FOXN3: variants seen among roughly 807,000 people sequenced by gnomAD.
The protein encoded by FOXN3 is forkhead box protein N3.
FOXN3 carries 7 observed loss-of-function variants against 38.4 expected under a neutral mutation model. The ratio of observed to expected loss-of-function variants is 0.18; its 90% CI spans 0.10 to 0.34. The LOEUF is 0.34. Ranked by LOEUF, FOXN3 falls within the 10% of genes least tolerant of loss-of-function variation. The probability of loss-of-function intolerance (pLI) is 1.00; values close to 1 mark genes in which losing one functional copy is unlikely to be tolerated. For synonymous variants in FOXN3, 230 were observed against 242.2 expected, an observed-to-expected ratio of 0.95 and a Z score of 0.47; for missense variants, 456 against 613.4, an observed-to-expected ratio of 0.74 and a Z score of 2.71.
At chr14:89,525,077 G>A (rs1468135242) in intron 1 of FOXN3, among the ~76,000 whole-genome samples, 2 of 152,068 alleles carry the variant, frequency 1.3e-5, no homozygotes, top group Admixed American at 6.6e-5. Flanking sequence ...GGGCTGGGGA[G>A]GGGAATATGT....
At chr14:89,232,470 C>A (rs1358064692) in intron 4 of FOXN3, among the ~76,000 whole-genome samples, 1 of 152,128 alleles carries the variant, frequency 6.6e-6, no homozygotes, top group East Asian at 1.9e-4. Flanking sequence ...AAAACAGGAC[C>A]CTTAATTATA....
At chr14:89,456,551 C>T (rs1334434315) in intron 1 of FOXN3, among the ~76,000 whole-genome samples, 1 of 152,154 alleles carries the variant, frequency 6.6e-6, no homozygotes, top group Non-Finnish European at 1.5e-5. Context: ...ACCAAGAGTT[C>T]AAGACCAGCC....
At chr14:89,321,963 G>GC (rs1291214924) in intron 3 of FOXN3, among the ~76,000 whole-genome samples, 2 of 152,124 alleles carry the variant, frequency 1.3e-5, no homozygotes, top group African/African-American at 4.8e-5. Flanking sequence ...CTGAACAAAA[G>GC]CAAGAATCTT....
At chr14:89,239,775 T>A (rs1286403379) in intron 4 of FOXN3, among the ~76,000 whole-genome samples, 1 of 152,228 alleles carries the variant, frequency 6.6e-6, no homozygotes, top group East Asian at 1.9e-4. Context: ...TGAAAACCAA[T>A]CATGTGCTAG....
At chr14:89,495,697 T>C (rs1233342311) in intron 1 of FOXN3, among the ~76,000 whole-genome samples, 1 of 152,196 alleles carries the variant, frequency 6.6e-6, no homozygotes, top group African/African-American at 2.4e-5. Context: ...ATCTCTGCCA[T>C]TATCAATGCC....
intron 1 of FOXN3, among the ~76,000 whole-genome samples, chr14:89,434,444 G>A (rs564811946): frequency 6.6e-6 from 1 of 152,110 alleles, no homozygotes; most frequent in East Asian, 1.9e-4. Context: ...TGGTCAAGCT[G>A]GTCTTGAACT....
intron 1 of FOXN3, among the ~76,000 whole-genome samples, chr14:89,428,513 C>T (rs1045133129): frequency 2.6e-5 from 4 of 152,240 alleles, no homozygotes; most frequent in Admixed American, 6.5e-5. Flanking sequence ...CAGCACCTCA[C>T]TTCTCTGCAC....
chr14:89,252,123 A>G (rs1029637526), intron 4 of FOXN3, among the ~76,000 whole-genome samples: 1 of 152,210 alleles, frequency 6.6e-6, no homozygotes, highest in African/African-American at 2.4e-5. Flanking sequence ...CAAAGTAGTG[A>G]TTCTTATGCC....
At chr14:89,579,344 C>T (rs780384463) in intron 1 of FOXN3, among the ~76,000 whole-genome samples, 121 of 151,078 alleles carry the variant, frequency 8.0e-4, no homozygotes, top group Non-Finnish European at 1.4e-3. Flanking sequence ...TTTGTAGAGA[C>T]GGGGTCTCAC....
At chr14:89,353,230 C>T (rs1055081769) in intron 2 of FOXN3, among the ~76,000 whole-genome samples, 1 of 152,114 alleles carries the variant, frequency 6.6e-6, no homozygotes, top group Non-Finnish European at 1.5e-5. Context: ...AGCTGGGAGG[C>T]TCAGAGATGG....
Position 89,247,955 on chromosome 14 carries a change from C to T in FOXN3, c.745+32995G>A, listed in dbSNP as rs575576972. Among the ~76,000 whole-genome samples the T allele has an allele frequency of 4.6e-5, 7 of 152,322 alleles. No homozygotes were observed. In the South Asian group the frequency reaches 1.5e-3, roughly 32 times the overall value. On this transcript the variant is annotated intron_variant, in intron 4 of 5. Transcript: ENST00000557258. ...TTTGTTCCTACCATCTTTGCACCTG[C>T]CCTCTGCCTAGAAAGCTCTTCTCCT...
At chr14:89,378,126 G>T (rs1043894423) in intron 2 of FOXN3, among the ~76,000 whole-genome samples, 2 of 152,140 alleles carry the variant, frequency 1.3e-5, no homozygotes, top group East Asian at 3.8e-4. Context: ...ATCATGATAG[G>T]GAAGATTTCC....
chr14:89,191,567 C>T lies in FOXN3; in HGVS notation c.746-10761G>A, dbSNP rs147943474. Reference sequence around the variant, plus strand: ...ACATACCAAAAAATTCAATTTGCTACTAATGGCTCCATGGCACCTTATTTT... The same window carrying T: ...ACATACCAAAAAATTCAATTTGCTATTAATGGCTCCATGGCACCTTATTTT... On this transcript the variant is annotated intron_variant, in intron 4 of 5. Coordinates refer to ENST00000557258, the MANE Select transcript of FOXN3 (RefSeq NM_005197.4). Among the ~76,000 whole-genome samples, 86 of 152,222 alleles carry T rather than the reference C, an allele frequency of 5.6e-4. 1 individual carries two copies. Among genetic ancestry groups the T allele is most frequent in the African/African-American group, 2.0e-3 (81 of 41,504 alleles).
intron 3 of FOXN3, among the ~76,000 whole-genome samples, chr14:89,289,241 C>A (rs1325779676): frequency 1.4e-5 from 2 of 147,822 alleles, no homozygotes; most frequent in African/African-American, 5.0e-5. Flanking sequence ...ATTAGCAAGA[C>A]TACAAAATCA....
chr14:89,516,718 C>T (rs1346289059), intron 1 of FOXN3, among the ~76,000 whole-genome samples: 2 of 152,024 alleles, frequency 1.3e-5, no homozygotes, highest in Non-Finnish European at 2.9e-5. Flanking sequence ...TGCACCACCA[C>T]GCCTGGCTAA....
chr14:89,388,095 A>T (rs1166262037), intron 2 of FOXN3, among the ~76,000 whole-genome samples: 6 of 152,144 alleles, frequency 3.9e-5, no homozygotes, highest in Non-Finnish European at 2.9e-5. Flanking sequence ...GAGGCAGGAG[A>T]ATCGCTTGAA....
chr14:89,292,450 T>G (rs192280782), intron 3 of FOXN3, among the ~76,000 whole-genome samples: 5 of 152,328 alleles, frequency 3.3e-5, no homozygotes, highest in Middle Eastern at 3.4e-3. Context: ...ATGGTTTGCA[T>G]GTGTCCCTCC....
intron 1 of FOXN3, among the ~76,000 whole-genome samples, chr14:89,425,520 A>C (rs1596267877): frequency 7.8e-6 from 1 of 128,058 alleles, no homozygotes; most frequent in Non-Finnish European, 1.7e-5. Context: ...GGCTTGTGCC[A>C]CCATGCCCGG....
rs1398486305 is a variant in FOXN3 at position 89,202,381 on chromosome 14, A to C, written c.746-21575T>G. Among the ~76,000 whole-genome samples, 3 of 152,218 alleles carry C rather than the reference A, an allele frequency of 2.0e-5. No homozygotes were observed. In the East Asian group the frequency reaches 5.8e-4, roughly 29 times the overall value. On this transcript the variant is annotated intron_variant, in intron 4 of 5. Transcript: ENST00000557258. The stretch of plus-strand genomic sequence containing the variant: ...CATATTGAATCACACACCCGGTCCC[A>C]CTATGCCATAAACCACTGTTCTGCT...
Sources: allele counts gnomAD v4.1 joint callset (sites outside exome capture counted in the v4.1 genomes callset), GRCh38; gene constraint gnomAD v4.1.1; transcripts MANE v1.5; gene names NCBI Gene and HGNC (gene_info 2026-07-23, HGNC 2026-07-21).